The following GREB1 variants were observed in gnomAD, a reference collection of about 807,000 sequenced individuals.
The protein encoded by GREB1 is growth regulating estrogen receptor binding 1, also known as protein GREB1.
In GREB1, 106 loss-of-function variants were observed where a neutral mutation model predicts 200.7. The ratio of observed to expected loss-of-function variants is 0.53; its 90% CI spans 0.45 to 0.62. The LOEUF is 0.62. Ranked by LOEUF, GREB1 falls within the 20% of genes least tolerant of loss-of-function variation. The pLI is 0.00. For missense variants in GREB1, 2,243 were observed against 2,556.8 expected, an observed-to-expected ratio of 0.88 and a Z score of 2.65; for synonymous variants, 1,132 against 1,092.4, an observed-to-expected ratio of 1.04 and a Z score of -0.72.
chr2:11,505,629 G>C (rs567909076), intron 1 of GREB1, among the ~76,000 whole-genome samples: 1 of 152,268 alleles, frequency 6.6e-6, no homozygotes, highest in Non-Finnish European at 1.5e-5. Context: ...ATCACCTGAG[G>C]TCAGGAGTTT....
At chr2:11,559,122 T>C (rs1052814839) in intron 2 of GREB1, among the ~76,000 whole-genome samples, 6 of 152,192 alleles carry the variant, frequency 3.9e-5, no homozygotes, top group Non-Finnish European at 5.9e-5. Context: ...CACAATTGCA[T>C]GTCAACATTA....
At position 11,627,008 on chromosome 2, in the gene GREB1, G is replaced by C. The variant is rs759975860; in HGVS notation, c.4353G>C (p.Gln1451His). 2.5e-6 allele frequency: 4 copies of C among 1,614,048 alleles called. No individual in the cohort carries two copies. In the East Asian group the frequency reaches 6.7e-5, roughly 27 times the overall value. The change falls in exon 25 of 33, where the codon CAG becomes CAC. Residue 1451 changes from glutamine to histidine, a missense_variant. By Grantham distance (24) the Gln-to-His change is conservative (BLOSUM62 0). Coordinates refer to ENST00000381486, the MANE Select transcript of GREB1 (RefSeq NM_014668.4). ...CGGAGGACCTTTATGTGCGGCGTCA[G>C]ACGGCACGGATGAGACTGTCCAAGT... ...RKPEDLYVRR[Q>H]TARMRLSKYA...
upstream of GREB1, among the ~76,000 whole-genome samples, chr2:11,529,058 C>T (rs1026658514): frequency 1.3e-5 from 2 of 152,136 alleles, no homozygotes; most frequent in South Asian, 2.1e-4. Context: ...GAATCTGCCT[C>T]ATTTGAAAAT....
At chr2:11,594,362 CT>C (rs34387012) in intron 11 of GREB1, among the ~76,000 whole-genome samples, 2 of 148,426 alleles carry the variant, frequency 1.3e-5, no homozygotes, top group African/African-American at 5.0e-5. Flanking sequence ...CATTTTTTTT[CT>C]TTTTTTTTTG....
chr2:11,547,583 G>A (rs1675403072), intron 1 of GREB1, among the ~76,000 whole-genome samples: 4 of 151,876 alleles, frequency 2.6e-5, no homozygotes, highest in Admixed American at 1.3e-4. Flanking sequence ...TGTAATCATC[G>A]TTTTTCAAAA....
At position 11,597,659 on chromosome 2, in the gene GREB1, C is replaced by G; in HGVS notation, c.1955-122C>G. The G allele has an allele frequency of 1.2e-6, 1 of 816,198 alleles. No homozygotes were observed. Among genetic ancestry groups the G allele is most frequent in the East Asian group, 2.5e-5 (1 of 40,742 alleles). 50.6% of individuals were successfully genotyped at this position (816,198 alleles called of 1,614,324 possible). On this transcript the variant is annotated intron_variant, in intron 13 of 32. Transcript: ENST00000381486. This position sits in a 1 kb window ranked among gnomAD's most constrained non-coding sequence, Gnocchi z 4.1. ...TGATAAACGTGAGTTATTCCCCTTTCCCTCATCGCTTTGTGAATGGGGCCG... is the reference window on the plus strand; with the variant it reads ...TGATAAACGTGAGTTATTCCCCTTTGCCTCATCGCTTTGTGAATGGGGCCG...
rs140123569 is a variant in GREB1, at chr2:11,576,405, G to A, written c.507G>A (p.Thr169=). Residue 169 remains threonine, a synonymous_variant, in exon 5 of 33, where the codon ACG becomes ACA. Coordinates refer to ENST00000381486, the MANE Select transcript of GREB1 (RefSeq NM_014668.4). ...GCGKKGFCYF[T]EFSNHINLKL... Reference sequence around the variant, plus strand: ...GAAAGAAAGGCTTCTGTTACTTCACGGAATTCTCCAATCATATAAATCTGA... The same window carrying A: ...GAAAGAAAGGCTTCTGTTACTTCACAGAATTCTCCAATCATATAAATCTGA... 26 of 1,613,808 alleles carry A rather than the reference G, an allele frequency of 1.6e-5. No individual in the cohort carries two copies. The highest frequency in any genetic ancestry group is 6.7e-5 in the East Asian group (3 of 44,894).
intron 17 of GREB1, among the ~76,000 whole-genome samples, chr2:11,605,750 T>G (rs1682221721): frequency 1.3e-5 from 2 of 152,230 alleles, no homozygotes; most frequent in South Asian, 2.1e-4. Flanking sequence ...ATATTGAAAT[T>G]CATCCATGTT....
At chr2:11,537,255 C>T (rs914986699) in intron 1 of GREB1, among the ~76,000 whole-genome samples, 5 of 152,146 alleles carry the variant, frequency 3.3e-5, no homozygotes, top group Non-Finnish European at 4.4e-5. Context: ...TGAGCCACCG[C>T]GCCGGCCGAC....
chr2:11,639,729 AC>A (rs1685670407), intron 32 of GREB1, among the ~76,000 whole-genome samples: 1 of 152,212 alleles, frequency 6.6e-6, no homozygotes, highest in South Asian at 2.1e-4. Context: ...AAGAGGTTTT[AC>A]AGCAGTCTCT....
intron 23 of GREB1, among the ~76,000 whole-genome samples, chr2:11,621,333 A>G (rs1228261563): frequency 6.6e-6 from 1 of 152,198 alleles, no homozygotes; most frequent in African/African-American, 2.4e-5. Context: ...CTGATAAATC[A>G]CATGCTTGGG....
intron 1 of GREB1, among the ~76,000 whole-genome samples, chr2:11,489,524 G>A (rs1273909061): frequency 6.6e-6 from 1 of 152,118 alleles, no homozygotes; most frequent in East Asian, 1.9e-4. Flanking sequence ...GGAGACAAAA[G>A]ATCATTGAGA....
intron 1 of GREB1, among the ~76,000 whole-genome samples, chr2:11,501,687 C>G (rs1673041708): frequency 6.6e-6 from 1 of 151,980 alleles, no homozygotes; most frequent in Admixed American, 6.5e-5. Flanking sequence ...AGCCACTGCA[C>G]CTGGCCAAGG....
chr2:11,554,549 C>G (rs773632846), intron 1 of GREB1, among the ~76,000 whole-genome samples: 6 of 152,164 alleles, frequency 3.9e-5, no homozygotes, highest in Non-Finnish European at 5.9e-5. Context: ...TCTCGCTTGA[C>G]CGATGAAGCC....
In GREB1 at chr2:11,612,483, C is replaced by A; in HGVS notation, c.3007-12C>A. 6.3e-7 allele frequency: 1 copy of A among 1,585,212 alleles called. No homozygotes were observed. On this transcript the variant is annotated splice_polypyrimidine_tract_variant and intron_variant, in intron 18 of 32. Coordinates refer to ENST00000381486, the MANE Select transcript of GREB1 (RefSeq NM_014668.4). ...GGCGTCTGTGGCTTTATTTCTTTTT[C>A]GTTATCTGCAGATGTGGCAGAAAAT...
chr2:11,533,762 A>G (rs1041458516), upstream of GREB1, among the ~76,000 whole-genome samples: 1 of 152,142 alleles, frequency 6.6e-6, no homozygotes, highest in Non-Finnish European at 1.5e-5. Context: ...AGTTGTGTGG[A>G]CCATATTTTC....
chr2:11,507,866 G>T (rs1275490691), intron 1 of GREB1, among the ~76,000 whole-genome samples: 2 of 152,188 alleles, frequency 1.3e-5, no homozygotes, highest in Non-Finnish European at 2.9e-5. Context: ...GAGTGGGTGA[G>T]AAGAAAGCTG....
chr2:11,636,470 A>G (rs1685323116), intron 30 of GREB1, among the ~76,000 whole-genome samples: 1 of 152,254 alleles, frequency 6.6e-6, no homozygotes, highest in Non-Finnish European at 1.5e-5. Flanking sequence ...ACAGTCTTTC[A>G]TGTGAGTGAA....
At chr2:11,605,731 T>C (rs551066180) in intron 17 of GREB1, among the ~76,000 whole-genome samples, 1 of 152,344 alleles carries the variant, frequency 6.6e-6, no homozygotes, top group South Asian at 2.1e-4. Flanking sequence ...TCTTTCACTC[T>C]GTATAATTAT....
Sources: gnomAD v4.1 joint callset for allele counts (sites outside exome capture counted in the v4.1 genomes callset) on GRCh38, gnomAD v4.1.1 for gene constraint, Gnocchi (gnomAD v3.1) non-coding constraint, MANE v1.5 for transcripts, NCBI Gene and HGNC (gene_info 2026-07-23, HGNC 2026-07-21) for gene names.